The following CA10 variants were observed in gnomAD, a reference collection of about 807,000 sequenced individuals.
CA10 encodes carbonic anhydrase 10 (inactive).
In CA10, 14 loss-of-function variants were observed where a neutral mutation model predicts 44.2. That is an observed-to-expected ratio of 0.32 (90% CI 0.21 to 0.50). The LOEUF is 0.50. Among genes scored for constraint, CA10 ranks in the 20% least tolerant of loss-of-function variants. The probability of loss-of-function intolerance (pLI) is 0.99; values close to 1 mark genes in which losing one functional copy is unlikely to be tolerated. For synonymous variants in CA10, 159 were observed against 141.6 expected (o/e 1.12, Z -0.87); for missense variants, 350 against 409.7 (o/e 0.85, Z 1.26).
intron 7 of CA10, among the ~76,000 whole-genome samples, chr17:51,635,172 G>T (rs961554116): frequency 1.3e-5 from 2 of 152,150 alleles, no homozygotes; most frequent in Non-Finnish European, 2.9e-5. Flanking sequence ...TATAAAAAGG[G>T]GAAATTTGGA....
intron 3 of CA10, among the ~76,000 whole-genome samples, chr17:51,899,647 T>G (rs1043397526): frequency 1.3e-5 from 2 of 152,138 alleles, no homozygotes; most frequent in Non-Finnish European, 2.9e-5. Context: ...GTCAGTGGCA[T>G]GTTGAAGTCT....
chr17:52,152,719 T>C (rs2143416138), intron 1 of CA10, among the ~76,000 whole-genome samples: 1 of 152,290 alleles, frequency 6.6e-6, no homozygotes, highest in African/African-American at 2.4e-5. Context: ...CTTCTATAAC[T>C]ATATCTTAAG....
intron 2 of CA10, among the ~76,000 whole-genome samples, chr17:52,009,768 A>C (rs527265028): frequency 6.6e-6 from 1 of 152,064 alleles, no homozygotes; most frequent in African/African-American, 2.4e-5. Flanking sequence ...TAATTAAACT[A>C]AAAAGCTTCT....
intron 3 of CA10, among the ~76,000 whole-genome samples, chr17:51,865,910 T>C (rs1979526079): frequency 6.6e-6 from 1 of 152,228 alleles, no homozygotes; most frequent in South Asian, 2.1e-4. Context: ...ACGTTGATTC[T>C]GTAAGATGGG....
chr17:52,109,629 C>T (rs1044190831), intron 1 of CA10, among the ~76,000 whole-genome samples: 2 of 152,136 alleles, frequency 1.3e-5, no homozygotes, highest in African/African-American at 2.4e-5. Context: ...TTTCTAGGGA[C>T]TGGAAATTAA....
intron 3 of CA10, among the ~76,000 whole-genome samples, chr17:51,847,647 C>T (rs1978554690): frequency 6.6e-6 from 1 of 152,122 alleles, no homozygotes; most frequent in Non-Finnish European, 1.5e-5. Context: ...ATAAAATCAT[C>T]CTGCTTCTTA....
At chr17:52,115,722 T>C (rs531704528) in intron 1 of CA10, among the ~76,000 whole-genome samples, 1 of 152,366 alleles carries the variant, frequency 6.6e-6, no homozygotes, top group Non-Finnish European at 1.5e-5. Flanking sequence ...CGTGGCTGGC[T>C]GGCCAGCATT....
At chr17:51,635,804 T>C (rs999743546) in intron 7 of CA10, 51 bp downstream of exon 7, 2 of 1,422,054 alleles carry the variant, frequency 1.4e-6, no homozygotes, top group South Asian at 1.4e-5. Flanking sequence ...TCAGTGATTT[T>C]TTTTTAACAT....
intron 3 of CA10, among the ~76,000 whole-genome samples, chr17:51,755,693 G>A (rs1036706040): frequency 3.3e-5 from 5 of 152,180 alleles, no homozygotes; most frequent in Non-Finnish European, 1.5e-5. Flanking sequence ...AAGGAAGGGT[G>A]GAGGACACCT....
intron 2 of CA10, among the ~76,000 whole-genome samples, chr17:51,946,664 A>G (rs1381548768): frequency 6.6e-6 from 1 of 152,092 alleles, no homozygotes; most frequent in Non-Finnish European, 1.5e-5. Flanking sequence ...GGACTCAAGT[A>G]TTGCTTCCTT....
chr17:51,903,422 T>C (rs989931192), intron 3 of CA10, among the ~76,000 whole-genome samples: 1 of 152,142 alleles, frequency 6.6e-6, no homozygotes, highest in Non-Finnish European at 1.5e-5. Flanking sequence ...ATATAGTAGA[T>C]GGTAATCTTC....
intron 1 of CA10, among the ~76,000 whole-genome samples, chr17:52,146,795 G>A (rs1989598964): frequency 6.6e-6 from 1 of 152,100 alleles, no homozygotes; most frequent in South Asian, 2.1e-4. Flanking sequence ...CCCCTCCCAT[G>A]GTCTTCCTCT....
intron 3 of CA10, among the ~76,000 whole-genome samples, chr17:51,845,627 T>C (rs1978459213): frequency 6.6e-6 from 1 of 152,196 alleles, no homozygotes; most frequent in Non-Finnish European, 1.5e-5. Flanking sequence ...AACTCAAAAG[T>C]ATACTCAAAA....
intron 3 of CA10, among the ~76,000 whole-genome samples, chr17:51,855,998 A>T (rs1356625274): frequency 1.3e-5 from 2 of 152,146 alleles, no homozygotes; most frequent in Non-Finnish European, 2.9e-5. Flanking sequence ...GGGCTGAAGG[A>T]GCAAACAGTA....
At chr17:52,099,346 T>A (rs1988482445) in intron 1 of CA10, among the ~76,000 whole-genome samples, 1 of 152,090 alleles carries the variant, frequency 6.6e-6, no homozygotes, top group Non-Finnish European at 1.5e-5. Flanking sequence ...TAAGTCAGGG[T>A]CAGGAGTATA....
At chr17:51,955,214 C>T (rs1983622513) in intron 2 of CA10, among the ~76,000 whole-genome samples, 1 of 152,082 alleles carries the variant, frequency 6.6e-6, no homozygotes, top group Non-Finnish European at 1.5e-5. Flanking sequence ...TTCTGCATCT[C>T]GAAGTGGTCA....
At chr17:51,891,195 C>T (rs930994719) in intron 3 of CA10, among the ~76,000 whole-genome samples, 3 of 151,988 alleles carry the variant, frequency 2.0e-5, no homozygotes, top group Non-Finnish European at 2.9e-5. Flanking sequence ...GGCCAAGGTG[C>T]CATGTGGGGA....
At chr17:52,102,644 G>A (rs1246480898) in intron 1 of CA10, among the ~76,000 whole-genome samples, 1 of 152,132 alleles carries the variant, frequency 6.6e-6, no homozygotes, top group African/African-American at 2.4e-5. Context: ...TCCTTGCCTT[G>A]CTTCTGTGTT....
chr17:51,712,054 T>A (rs1438886070), intron 4 of CA10, among the ~76,000 whole-genome samples: 1 of 152,176 alleles, frequency 6.6e-6, no homozygotes, highest in African/African-American at 2.4e-5. Context: ...ACAAAAGTTG[T>A]CTTTGATAAA....
Sources: gnomAD v4.1 joint callset for allele counts (sites outside exome capture counted in the v4.1 genomes callset) on GRCh38, gnomAD v4.1.1 for gene constraint, MANE v1.5 for transcripts, NCBI Gene and HGNC (gene_info 2026-07-23, HGNC 2026-07-21) for gene names.